PES1: variants seen among roughly 807,000 people sequenced by gnomAD.
The protein encoded by PES1 is pescadillo homolog.
Under a neutral mutation model 77.1 loss-of-function variants are expected in PES1, and 31 were observed. That is an observed-to-expected ratio of 0.40 (90% CI 0.30 to 0.54). The LOEUF (loss-of-function observed/expected upper bound fraction) is 0.54. PES1 is among the 20% of genes least tolerant of loss of function. The pLI, the probability that PES1 is intolerant of heterozygous loss-of-function variation, is 0.45. For synonymous variants in PES1, 282 were observed against 303.0 expected (o/e 0.93, Z 0.72); for missense variants, 658 against 771.7 (o/e 0.85, Z 1.75).
At chr22:30,584,141 C>T in intron 6 of PES1, 2 of 573,940 alleles carry the variant, frequency 3.5e-6, no homozygotes, top group East Asian at 2.9e-5. Context: ...GTGAAAGGAA[C>T]ACGTCCAAGG....
intron 1 of PES1, among the ~76,000 whole-genome samples, chr22:30,591,190 C>T (rs2087170917): frequency 6.6e-6 from 1 of 152,142 alleles, no homozygotes; most frequent in Non-Finnish European, 1.5e-5. Context: ...AAAATCCAAG[C>T]TTACAGGCCT....
chr22:30,604,084 A>T (rs2087399933), intron 2 of PES1: 2 of 152,224 alleles, frequency 1.3e-5, no homozygotes, highest in Admixed American at 1.3e-4. Flanking sequence ...GTGGACCTAG[A>T]GTCTTGTTTC....
intron 1 of PES1, among the ~76,000 whole-genome samples, chr22:30,589,492 T>G (rs1337914896): frequency 6.6e-6 from 1 of 152,196 alleles, no homozygotes. Flanking sequence ...TGCATGATGC[T>G]GAGGGCTGCG....
At chr22:30,582,832 G>A (rs2087007422) in intron 6 of PES1, among the ~76,000 whole-genome samples, 1 of 152,170 alleles carries the variant, frequency 6.6e-6, no homozygotes, top group Non-Finnish European at 1.5e-5. Context: ...ATTTCCCACA[G>A]CCCAGCACTG....
chr22:30,605,709 T>A (rs1446901907), intron 1 of PES1, among the ~76,000 whole-genome samples: 1 of 152,086 alleles, frequency 6.6e-6, no homozygotes, highest in African/African-American at 2.4e-5. Context: ...CCTCCAGGGG[T>A]GCTCCTCCTA....
At chr22:30,606,031 G>A (rs771861769) in intron 1 of PES1, among the ~76,000 whole-genome samples, 3 of 152,142 alleles carry the variant, frequency 2.0e-5, no homozygotes, top group Non-Finnish European at 4.4e-5. Flanking sequence ...TTTTAAACTC[G>A]AGAGGTTAAG....
chr22:30,579,650 G>T lies in PES1; in HGVS notation c.1354+101C>A, dbSNP rs1173748722. On this transcript the variant is annotated intron_variant, in intron 12 of 14. Coordinates refer to ENST00000354694, the MANE Select transcript of PES1 (RefSeq NM_014303.4). ...TACAGGTGACTTCAAAGGGCTTTCTGCTCCTACTGCCTGTTCCCTGGAGCT... is the reference window on the plus strand; with the variant it reads ...TACAGGTGACTTCAAAGGGCTTTCTTCTCCTACTGCCTGTTCCCTGGAGCT... The T allele has an allele frequency of 3.5e-6, 4 of 1,155,448 alleles. No homozygotes were observed. In the East Asian group the frequency reaches 9.5e-5, roughly 27 times the overall value. The allele number at this position is 1,155,448 out of a possible 1,614,324, so 71.6% of individuals were successfully genotyped here. A position where few individuals can be genotyped will look rare whatever the true frequency, so the allele number is the denominator to read the frequency against.
intron 6 of PES1, 176 bp downstream of exon 6, chr22:30,584,189 G>A (rs2087031744): frequency 1.6e-6 from 1 of 621,998 alleles, no homozygotes; most frequent in Non-Finnish European, 2.9e-6. Flanking sequence ...GGCTAGCTTA[G>A]GCTCCCGCTC....
chr22:30,591,752 A>G (rs532015407), intron 1 of PES1, 58 bp downstream of exon 1: 3 of 1,535,796 alleles, frequency 2.0e-6, no homozygotes, highest in East Asian at 2.5e-5. Context: ...AGTCGACCCC[A>G]TGCTCTGCCG....
chr22:30,599,020 C>G (rs1157632784), intron 2 of PES1, among the ~76,000 whole-genome samples: 1 of 148,488 alleles, frequency 6.7e-6, no homozygotes, highest in South Asian at 2.1e-4. Context: ...ATCTCAGCCT[C>G]CTGAGTAGCT....
intron 2 of PES1, among the ~76,000 whole-genome samples, chr22:30,604,999 T>A (rs1304166592): frequency 1.3e-5 from 2 of 152,162 alleles, no homozygotes; most frequent in Non-Finnish European, 2.9e-5. Context: ...TTTTTTAATT[T>A]TACTTTATTT....
At chr22:30,597,153 C>T (rs1207545362) in intron 2 of PES1, among the ~76,000 whole-genome samples, 5 of 152,162 alleles carry the variant, frequency 3.3e-5, no homozygotes, top group Non-Finnish European at 1.5e-5. Context: ...CTCCCTGCCG[C>T]TGTGGGCTCC....
intron 4 of PES1, chr22:30,585,420 T>C (rs1012796142): frequency 2.2e-6 from 1 of 453,648 alleles, no homozygotes; most frequent in African/African-American, 2.0e-5. Context: ...GAACCACAAG[T>C]AACGACACCT....
chr22:30,602,153 T>TG (rs1287553590), intron 2 of PES1, among the ~76,000 whole-genome samples: 1 of 152,118 alleles, frequency 6.6e-6, no homozygotes, highest in African/African-American at 2.4e-5. Flanking sequence ...AATTTCCACT[T>TG]GAGGGAGACA....
chr22:30,580,985 C>T, intron 9 of PES1, 27 bp downstream of exon 9: 1 of 1,595,734 alleles, frequency 6.3e-7, no homozygotes, highest in South Asian at 1.1e-5. Context: ...TCCCAGCCCT[C>T]CTGCCAGAAG....
At chr22:30,594,010 G>A (rs908445494), upstream of PES1, among the ~76,000 whole-genome samples, 4 of 152,094 alleles carry the variant, frequency 2.6e-5, no homozygotes, top group African/African-American at 7.2e-5. Flanking sequence ...TTAACCATTA[G>A]GGCTGCCCAC....
upstream of PES1, among the ~76,000 whole-genome samples, chr22:30,593,159 A>G (rs1428946340): frequency 6.6e-6 from 1 of 152,182 alleles, no homozygotes; most frequent in Non-Finnish European, 1.5e-5. Context: ...TCTAATTTAA[A>G]GCTAAAATTT....
At chr22:30,590,096 T>C (rs2087155062) in intron 1 of PES1, among the ~76,000 whole-genome samples, 1 of 152,178 alleles carries the variant, frequency 6.6e-6, no homozygotes, top group African/African-American at 2.4e-5. Flanking sequence ...GGTCCTCTAT[T>C]ATGGTCAAAG....
intron 2 of PES1, chr22:30,601,867 G>A (rs2087359872): frequency 6.6e-6 from 1 of 151,464 alleles, no homozygotes; most frequent in Non-Finnish European, 1.5e-5. Context: ...CTGCTTCCCA[G>A]GTTCAAGTGA....
Sources: gnomAD v4.1 joint callset for allele counts (sites outside exome capture counted in the v4.1 genomes callset) on GRCh38, gnomAD v4.1.1 for gene constraint, MANE v1.5 for transcripts, NCBI Gene and HGNC (gene_info 2026-07-23, HGNC 2026-07-21) for gene names.